Variants in RAPGEF1 observed in about 807,000 individuals in gnomAD.
The protein encoded by RAPGEF1 is CRK SH3-binding GNRP.
In RAPGEF1, 33 loss-of-function variants were observed where a neutral mutation model predicts 143.3. That is an observed-to-expected ratio of 0.23 (90% CI 0.17 to 0.31). The LOEUF is 0.31. RAPGEF1 is among the 10% of genes least tolerant of loss of function. The probability of loss-of-function intolerance (pLI) is 1.00; values close to 1 mark genes in which losing one functional copy is unlikely to be tolerated. For synonymous variants in RAPGEF1, 629 were observed against 676.5 expected, an observed-to-expected ratio of 0.93 and a Z score of 1.09; for missense variants, 1,199 against 1,645.4, an observed-to-expected ratio of 0.73 and a Z score of 4.69.
chr9:131,606,616 A>T (rs1957158524), intron 12 of RAPGEF1, among the ~76,000 whole-genome samples: 1 of 152,172 alleles, frequency 6.6e-6, no homozygotes, highest in African/African-American at 2.4e-5. Context: ...GTTTTAAACT[A>T]ACAAGAGGTC....
chr9:131,621,812 G>C lies in RAPGEF1; in HGVS notation c.1889C>G (p.Pro630Arg), dbSNP rs374656307. 11 of 1,607,542 alleles carry C rather than the reference G, an allele frequency of 6.8e-6. No homozygotes were observed. Among genetic ancestry groups the C allele is most frequent in the South Asian group, 4.4e-5 (4 of 89,980 alleles). ...GTCACTCACCAGCTGCCGCTGCTTGGGGGGTAGGGCGGGCGGCGGGGCCAG... is the reference window on the plus strand; with the variant it reads ...GTCACTCACCAGCTGCCGCTGCTTGCGGGGTAGGGCGGGCGGCGGGGCCAG... ...QELAPPPALPPKQRQLASCAA... is the reference protein window; with the variant it reads ...QELAPPPALPRKQRQLASCAA... Residue 630 changes from proline to arginine, a missense_variant, in exon 11 of 27, where the codon CCC (proline) becomes CGC (arginine). By Grantham distance (103) the Pro-to-Arg change is moderately radical. Around this residue, in one of 6 missense-constraint regions of RAPGEF1, gnomAD observed 293 missense variants for 356.2 expected, o/e 0.82. Coordinates refer to ENST00000683357, the MANE Select transcript of RAPGEF1 (RefSeq NM_001377935.1). The surrounding 1 kb of genome is among the most constrained non-coding windows in gnomAD (Gnocchi z 4.5).
intron 9 of RAPGEF1, 126 bp from the exon 10 acceptor site, chr9:131,626,548 AT>A: frequency 2.3e-6 from 2 of 887,230 alleles, no homozygotes; most frequent in Non-Finnish European, 3.3e-6. Flanking sequence ...TCCAGGGCTT[AT>A]TTTATATTCA....
In RAPGEF1 at chr9:131,638,664, C is replaced by T. The variant is rs1285755980; in HGVS notation, c.622G>A (p.Val208Ile). 6.2e-7 allele frequency: 1 copy of T among 1,613,920 alleles called. No homozygotes were observed. Among genetic ancestry groups the T allele is most frequent in the Non-Finnish European group, 8.5e-7 (1 of 1,179,900 alleles). ...DKEMVTTVKG[V>I]IKAVLDGVKE... Reference sequence around the variant, plus strand: ...ACTCCATCCAGCACAGCCTTGATGACCCCCTTCACAGTCGTCACCATCTCC... The same window carrying T: ...ACTCCATCCAGCACAGCCTTGATGATCCCCTTCACAGTCGTCACCATCTCC... The change falls in exon 5 of 27, where the codon GTC becomes ATC. Residue 208 changes from valine (V) to isoleucine (I), a missense_variant. Val to Ile is a conservative substitution (Grantham distance 29). This residue lies in a region of RAPGEF1 where 613 missense variants were observed against 710.9 expected (regional missense o/e 0.86). Coordinates refer to ENST00000683357, the MANE Select transcript of RAPGEF1 (RefSeq NM_001377935.1).
At chr9:131,589,713 G>A (rs771288719) in intron 19 of RAPGEF1, among the ~76,000 whole-genome samples, 173 bp downstream of exon 19, 14 of 152,184 alleles carry the variant, frequency 9.2e-5, no homozygotes, top group Non-Finnish European at 1.6e-4. Context: ...GCAGGGTGGA[G>A]AGACACCTCA....
chr9:131,606,227 G>A (rs764625270), intron 12 of RAPGEF1, among the ~76,000 whole-genome samples: 4 of 152,206 alleles, frequency 2.6e-5, no homozygotes, highest in South Asian at 2.1e-4. Context: ...ACCCCCGGCT[G>A]GGGCTCTGCT....
At chr9:131,636,582 T>C (rs11243460) in intron 5 of RAPGEF1, among the ~76,000 whole-genome samples, 1,609 of 152,374 alleles carry the variant, frequency 0.011, 37 homozygotes, top group East Asian at 0.088. Flanking sequence ...TCCTCTGTTT[T>C]GGCTGCTCTA....
rs1345367761 is a variant in RAPGEF1 at position 131,667,868 on chromosome 9, G to A, written c.62-16919C>T. Among the ~76,000 whole-genome samples, 1 of 152,124 alleles carries A rather than the reference G, an allele frequency of 6.6e-6. No individual in the cohort carries two copies. Among genetic ancestry groups the A allele is most frequent in the Non-Finnish European group, 1.5e-5 (1 of 68,004 alleles). On this transcript the variant is annotated intron_variant, in intron 1 of 26. Coordinates refer to ENST00000683357, the MANE Select transcript of RAPGEF1 (RefSeq NM_001377935.1). The surrounding 1 kb of genome is among the most constrained non-coding windows in gnomAD (Gnocchi z 4.6). Reference sequence around the variant, plus strand: ...CTTTACCTCACTGGGCCGTTGGGAGGATGTCATACAGTACTGCACATACAG... The same window carrying A: ...CTTTACCTCACTGGGCCGTTGGGAGAATGTCATACAGTACTGCACATACAG...
At chr9:131,635,793 T>C (rs1185614267) in intron 5 of RAPGEF1, among the ~76,000 whole-genome samples, 2 of 152,076 alleles carry the variant, frequency 1.3e-5, no homozygotes. Flanking sequence ...TGACTACTGC[T>C]CCACCTGAGC....
chr9:131,638,589 C>G, intron 5 of RAPGEF1, 46 bp downstream of exon 5: 1 of 1,601,592 alleles, frequency 6.2e-7, no homozygotes, highest in East Asian at 2.2e-5. Flanking sequence ...AGCAGGCAGG[C>G]TGCTCTAAGT....
At chr9:131,602,177 T>G in intron 14 of RAPGEF1, 28 bp from the exon 15 acceptor site, 2 of 1,536,236 alleles carry the variant, frequency 1.3e-6, no homozygotes, top group Non-Finnish European at 8.8e-7. Flanking sequence ...TGCTGAGTTC[T>G]GGACAGGGGC....
At chr9:131,590,084 C>T (rs986012263) in intron 18 of RAPGEF1, 106 bp from the exon 19 acceptor site, 13 of 989,940 alleles carry the variant, frequency 1.3e-5, no homozygotes, top group Middle Eastern at 2.3e-4. Flanking sequence ...TGCCCATCTT[C>T]CTGCATGTAA....
chr9:131,598,023 C>G (rs1230593104), intron 16 of RAPGEF1, among the ~76,000 whole-genome samples, 176 bp downstream of exon 16: 1 of 152,142 alleles, frequency 6.6e-6, no homozygotes, highest in Non-Finnish European at 1.5e-5. Flanking sequence ...AGCACACTTC[C>G]CCTGGAGTCT....
chr9:131,592,265 C>T, intron 17 of RAPGEF1, 82 bp from the exon 18 acceptor site: 2 of 1,140,698 alleles, frequency 1.8e-6, no homozygotes, highest in Non-Finnish European at 1.3e-6. Context: ...TGAGTCCTTG[C>T]TCTGAGAGAG....
Position 131,688,463 on chromosome 9 carries a change from T to C in RAPGEF1, c.62-37514A>G, listed in dbSNP as rs114321616. On this transcript the variant is annotated intron_variant, in intron 1 of 26. Transcript: ENST00000683357. ...CTGGTGGCATCCTTGACTCACTTTA[T>C]ACTGCTAAATAAAACGTACAAGGGC... Among the ~76,000 whole-genome samples the C allele has an allele frequency of 3.7e-3, 571 of 152,342 alleles. 7 individuals carry two copies. The highest frequency in any genetic ancestry group is 0.013 in the African/African-American group (545 of 41,566).
chr9:131,627,818 C>T (rs1288369352), intron 9 of RAPGEF1, 95 bp downstream of exon 9: 8 of 1,328,886 alleles, frequency 6.0e-6, no homozygotes, highest in Non-Finnish European at 7.2e-6. Flanking sequence ...GCCACGTAGT[C>T]AATGATTGCA....
Position 131,588,872 on chromosome 9 carries a change from C to T in RAPGEF1, c.2982G>A (p.Lys994=), listed in dbSNP as rs1953672856. The change falls in exon 20 of 27, where the codon AAG becomes AAA. Residue 994 remains lysine, a synonymous_variant. Coordinates refer to ENST00000683357, the MANE Select transcript of RAPGEF1 (RefSeq NM_001377935.1). Reference sequence around the variant, plus strand: ...ACCTGAGTAGCTTCTTCTGGTCCACCTTGTCCAGGATGTTCTTCCGGAGCA... The same window carrying T: ...ACCTGAGTAGCTTCTTCTGGTCCACTTTGTCCAGGATGTTCTTCCGGAGCA... ...ARVLRKNILD[K]VDQKKLLRCA... is the part of the protein sequence containing the mutation. 6.2e-7 allele frequency: 1 copy of T among 1,613,828 alleles called. No individual in the cohort carries two copies. Among genetic ancestry groups the T allele is most frequent in the African/African-American group, 1.3e-5 (1 of 74,916 alleles).
intron 5 of RAPGEF1, among the ~76,000 whole-genome samples, chr9:131,630,998 A>G (rs1964685656): frequency 6.6e-6 from 1 of 151,974 alleles, no homozygotes; most frequent in Admixed American, 6.6e-5. Context: ...GAGTTTTGAC[A>G]ACTGCATATA....
In RAPGEF1 at chr9:131,579,442, C is replaced by A; in HGVS notation, c.*55G>T. 6.3e-7 allele frequency: 1 copy of A among 1,592,356 alleles called. No homozygotes were observed. The highest frequency in any genetic ancestry group is 1.1e-5 in the South Asian group (1 of 88,196). ...TAACAGGTCCAAGGTCCTCTCCGGT[C>A]TGGGAGCTGCCCTCTGCGCCCCTCG... On this transcript the variant is annotated 3_prime_UTR_variant, in exon 27 of 27. Transcript: ENST00000683357.
At chr9:131,722,909 G>A (rs1410952459) in intron 1 of RAPGEF1, among the ~76,000 whole-genome samples, 2 of 151,808 alleles carry the variant, frequency 1.3e-5, no homozygotes, top group East Asian at 1.9e-4. Flanking sequence ...ACAACGGGGC[G>A]GGGGGCAGGC....
Sources: allele counts gnomAD v4.1 joint callset (sites outside exome capture counted in the v4.1 genomes callset), GRCh38; gene constraint gnomAD v4.1.1; regional missense constraint gnomAD v4.1.1; non-coding constraint Gnocchi (gnomAD v3.1); transcripts MANE v1.5; gene names NCBI Gene and HGNC (gene_info 2026-07-23, HGNC 2026-07-21).